The following SYNJ1 variants were observed in gnomAD, a reference collection of about 807,000 sequenced individuals.
SYNJ1 encodes the protein synaptojanin 1.
A neutral mutation model predicts 168.2 loss-of-function variants in SYNJ1; 78 were observed. The observed-to-expected ratio is 0.46, with a 90% CI of 0.39 to 0.56. The LOEUF (loss-of-function observed/expected upper bound fraction) is 0.56, where lower values mean the gene tolerates loss of function less well. Ranked by LOEUF, SYNJ1 falls within the 20% of genes least tolerant of loss-of-function variation. The probability of loss-of-function intolerance (pLI) is 0.00; values close to 1 mark genes in which losing one functional copy is unlikely to be tolerated. For missense variants in SYNJ1, 1,303 were observed against 1,597.6 expected, an observed-to-expected ratio of 0.82 and a Z score of 3.14; for synonymous variants, 539 against 548.6, an observed-to-expected ratio of 0.98 and a Z score of 0.24.
intron 2 of SYNJ1, among the ~76,000 whole-genome samples, chr21:32,708,766 T>C (rs2042708830): frequency 6.6e-6 from 1 of 152,150 alleles, no homozygotes; most frequent in Non-Finnish European, 1.5e-5. Flanking sequence ...GGTACCTTTT[T>C]TTTTTTTCAT....
chr21:32,718,827 T>C (rs1443951429), intron 2 of SYNJ1, among the ~76,000 whole-genome samples: 1 of 152,220 alleles, frequency 6.6e-6, no homozygotes, highest in Non-Finnish European at 1.5e-5. Context: ...AATATGTTAA[T>C]AGTTTGTAGG....
intron 29 of SYNJ1, among the ~76,000 whole-genome samples, chr21:32,640,926 A>G (rs932341427): frequency 6.6e-6 from 1 of 152,170 alleles, no homozygotes; most frequent in African/African-American, 2.4e-5. Flanking sequence ...TTCTTTTCCT[A>G]TACTTATGGT....
intron 18 of SYNJ1, among the ~76,000 whole-genome samples, chr21:32,663,725 G>A (rs1267202184): frequency 6.6e-6 from 1 of 152,154 alleles, no homozygotes; most frequent in Non-Finnish European, 1.5e-5. Flanking sequence ...TGGGGATACT[G>A]GACCCCCATT....
intron 2 of SYNJ1, among the ~76,000 whole-genome samples, chr21:32,721,635 C>T (rs2043226109): frequency 1.3e-5 from 2 of 151,460 alleles, no homozygotes; most frequent in African/African-American, 4.9e-5. Flanking sequence ...GTCAAGATTG[C>T]ACCACTGCAC....
At chr21:32,727,225 G>GT (rs938764696) in intron 1 of SYNJ1, among the ~76,000 whole-genome samples, 2 of 152,180 alleles carry the variant, frequency 1.3e-5, no homozygotes, top group African/African-American at 4.8e-5. Flanking sequence ...AATTTTGAGC[G>GT]TATTTCGTCC....
rs564833728 is a variant in SYNJ1, at chr21:32,681,476, T to C, written c.1353+20A>G. 41 of 1,593,158 alleles carry C rather than the reference T, an allele frequency of 2.6e-5. No individual in the cohort carries two copies. Among genetic ancestry groups the C allele is most frequent in the Admixed American group, 5.2e-5 (3 of 57,780 alleles). On this transcript the variant is annotated intron_variant, in intron 11 of 32. Transcript: ENST00000674351. ...GGAAAAAGAGGATATTCTGTAATGT[T>C]ATGATAGATCTAGATATACCTTCGC...
intron 27 of SYNJ1, among the ~76,000 whole-genome samples, chr21:32,642,768 G>A (rs2039900033): frequency 6.6e-6 from 1 of 152,174 alleles, no homozygotes; most frequent in Non-Finnish European, 1.5e-5. Context: ...AGGATAAAAT[G>A]AAATAAATTA....
intron 6 of SYNJ1, among the ~76,000 whole-genome samples, chr21:32,693,692 C>T (rs1037325153): frequency 6.6e-6 from 1 of 152,270 alleles, no homozygotes; most frequent in Non-Finnish European, 1.5e-5. Flanking sequence ...GGGCCAGGTG[C>T]TATTCTAAGT....
intron 2 of SYNJ1, among the ~76,000 whole-genome samples, chr21:32,715,336 T>C (rs1158022688): frequency 6.6e-6 from 1 of 152,080 alleles, no homozygotes; most frequent in Non-Finnish European, 1.5e-5. Flanking sequence ...CAGCTGGGCA[T>C]GGTGGTGCAC....
At chr21:32,681,759 G>C (rs1355969399) in intron 10 of SYNJ1, 111 bp from the exon 11 acceptor site, 2 of 949,272 alleles carry the variant, frequency 2.1e-6, no homozygotes, top group Admixed American at 6.4e-5. Flanking sequence ...GCACTATTTG[G>C]GACTAGCTTC....
At chr21:32,680,395 A>G (rs962798997) in intron 11 of SYNJ1, among the ~76,000 whole-genome samples, 2 of 152,180 alleles carry the variant, frequency 1.3e-5, no homozygotes, top group African/African-American at 4.8e-5. Flanking sequence ...TTCTTGAAAT[A>G]ATTTGAGAAA....
rs144142216 is a variant in SYNJ1 at position 32,699,966 on chromosome 21, T to C, written c.351A>G (p.Ser117=). 50 of 1,614,096 alleles carry C rather than the reference T, an allele frequency of 3.1e-5. No homozygotes were observed. The highest frequency in any genetic ancestry group is 6.7e-5 in the East Asian group (3 of 44,892). The part of the protein sequence containing the change: ...RIDSSDEDRI[S]EVRKVLNSGN... ...CTGAATTCAAAACTTTCCGCACTTC[T>C]GAAATGCGATCCTCATCTGAAGAAT... Residue 117 remains serine (S), a synonymous_variant, in exon 4 of 33, where the codon TCA becomes TCG. Transcript: ENST00000674351.
intron 31 of SYNJ1, among the ~76,000 whole-genome samples, chr21:32,635,776 TA>T (rs1193428740): frequency 2.0e-5 from 3 of 152,176 alleles, no homozygotes; most frequent in Non-Finnish European, 4.4e-5. Flanking sequence ...TTAATATCAT[TA>T]ATTTACTTCA....
chr21:32,678,826 C>A lies in SYNJ1; in HGVS notation c.1354-25G>T, dbSNP rs756829720. On this transcript the variant is annotated intron_variant, in intron 11 of 32. Coordinates refer to ENST00000674351, the MANE Select transcript of SYNJ1 (RefSeq NM_203446.3). Reference sequence around the variant, plus strand: ...ACTTTCCAGCCTGTTAAGAAAGGAGCGCAGATTTTCATTTTAAATATTACT... The same window carrying A: ...ACTTTCCAGCCTGTTAAGAAAGGAGAGCAGATTTTCATTTTAAATATTACT... 4.4e-6 allele frequency: 7 copies of A among 1,588,600 alleles called. No individual in the cohort carries two copies. In the South Asian group the frequency reaches 7.0e-5, roughly 16 times the overall value.
chr21:32,726,855 T>A lies in SYNJ1; in HGVS notation c.41A>T (p.Asp14Val). The A allele has an allele frequency of 6.2e-7, 1 of 1,614,126 alleles. No homozygotes were observed. The highest frequency in any genetic ancestry group is 8.5e-7 in the Non-Finnish European group (1 of 1,180,046). The stretch of plus-strand genomic sequence containing the variant: ...CACTATGAGGCTGAAAGGTGGGGGA[T>A]CCAATTTGTGATAGATCCGGAATCC... ...SKGFRIYHKLDPPPFSLIVET... is the reference protein window; with the variant it reads ...SKGFRIYHKLVPPPFSLIVET... Residue 14 changes from aspartate to valine, a missense_variant, in exon 2 of 33, where the codon GAT becomes GTT. By Grantham distance (152) the Asp-to-Val change is radical. Around this residue, in one of 2 missense-constraint regions of SYNJ1, gnomAD observed 920 missense variants for 1,208.8 expected, o/e 0.76. Coordinates refer to ENST00000674351, the MANE Select transcript of SYNJ1 (RefSeq NM_203446.3).
chr21:32,684,251 T>A, intron 9 of SYNJ1, 132 bp from the exon 10 acceptor site: 2 of 754,840 alleles, frequency 2.6e-6, no homozygotes, highest in Admixed American at 2.6e-5. Flanking sequence ...TATTCAAATA[T>A]ACAAAAAAAA....
At chr21:32,722,203 AAAATATATAT>A (rs1159628395) in intron 2 of SYNJ1, among the ~76,000 whole-genome samples, 1,275 of 88,678 alleles carry the variant, frequency 0.014, 18 homozygotes, top group Admixed American at 0.024. Flanking sequence ...AAAAAAAAAA[AAAATATATAT>A]ATATATATAT....
At chr21:32,722,871 T>C (rs887404246) in intron 2 of SYNJ1, among the ~76,000 whole-genome samples, 6 of 152,170 alleles carry the variant, frequency 3.9e-5, no homozygotes, top group African/African-American at 1.4e-4. Context: ...GAAAACTACT[T>C]AGTAGCCCCA....
Position 32,646,560 on chromosome 21 carries a change from G to A in SYNJ1, c.3080C>T (p.Pro1027Leu), listed in dbSNP as rs774723994. Residue 1027 changes from proline to leucine, a missense_variant, in exon 24 of 33, where the codon CCT becomes CTT. This residue lies in a region of SYNJ1 where 383 missense variants were observed against 388.8 expected (regional missense o/e 0.99). Coordinates refer to ENST00000674351, the MANE Select transcript of SYNJ1 (RefSeq NM_203446.3). Reference sequence around the variant, plus strand: ...ACTTGAAGATGGCTGGAGATGCTGAGGAAGAAGTTCCTCCACTTCAGCACT... The same window carrying A: ...ACTTGAAGATGGCTGGAGATGCTGAAGAAGAAGTTCCTCCACTTCAGCACT... Reference protein sequence around the residue: ...DYSAEVEELLPQHLQPSSSSG... With the variant: ...DYSAEVEELLLQHLQPSSSSG... 1.9e-6 allele frequency: 3 copies of A among 1,614,104 alleles called. No homozygotes were observed. The highest frequency in any genetic ancestry group is 3.3e-5 in the Admixed American group (2 of 60,018).
Sources: allele counts gnomAD v4.1 joint callset (sites outside exome capture counted in the v4.1 genomes callset), GRCh38; gene constraint gnomAD v4.1.1; regional missense constraint gnomAD v4.1.1; transcripts MANE v1.5; gene names NCBI Gene and HGNC (gene_info 2026-07-23, HGNC 2026-07-21).